The following LHX8 variants were observed in gnomAD, a reference collection of about 807,000 sequenced individuals.
The protein encoded by LHX8 is LIM/homeobox protein Lhx8.
Under a neutral mutation model 40.3 loss-of-function variants are expected in LHX8, and 12 were observed. The ratio of observed to expected loss-of-function variants is 0.30; its 90% confidence interval spans 0.19 to 0.48. The LOEUF is 0.48. Among genes scored for constraint, LHX8 ranks in the 20% least tolerant of loss-of-function variants. The pLI is 0.99. For synonymous variants in LHX8, 179 were observed against 162.0 expected (o/e 1.10, Z -0.80); for missense variants, 344 against 433.7 (o/e 0.79, Z 1.84).
At chr1:75,195,273 A>G in the LHX8 span, among the ~76,000 whole-genome samples, 3 of 152,156 alleles carry the variant, frequency 2.0e-5, no homozygotes, top group African/African-American at 4.8e-5. Flanking sequence ...TGAAAGGTGA[A>G]GTAACTTTCC....
the LHX8 span, among the ~76,000 whole-genome samples, chr1:75,167,043 G>C: frequency 6.6e-6 from 1 of 152,200 alleles, no homozygotes; most frequent in Non-Finnish European, 1.5e-5. Flanking sequence ...GCCTGCTTGT[G>C]TTCTAATCTG....
intron 8 of LHX8, 141 bp from the exon 9 acceptor site, chr1:75,160,678 G>A (rs527550803): frequency 5.9e-5 from 42 of 710,246 alleles, no homozygotes; most frequent in Non-Finnish European, 1.1e-4. Context: ...TGCTTCTGCT[G>A]AGGTCAGTGG....
intron 2 of LHX8, 33 bp downstream of exon 2, chr1:75,136,722 C>G (rs1013217426): frequency 9.3e-6 from 14 of 1,512,760 alleles, no homozygotes; most frequent in Middle Eastern, 2.1e-4. Flanking sequence ...GCTGGCAAGA[C>G]TGGCCGTGGG....
At chr1:75,176,586 C>T in the LHX8 span, among the ~76,000 whole-genome samples, 153 of 152,008 alleles carry the variant, frequency 1.0e-3, 1 homozygote, top group East Asian at 4.1e-3. Flanking sequence ...CTTTGTCAGA[C>T]GGGTAGATTG....
At chr1:75,145,825 A>C (rs3925749) in intron 6 of LHX8, among the ~76,000 whole-genome samples, 1 of 152,164 alleles carries the variant, frequency 6.6e-6, no homozygotes, top group South Asian at 2.1e-4. Context: ...TTTAAGCCTT[A>C]CATTATGGTA....
the LHX8 span, among the ~76,000 whole-genome samples, chr1:75,173,263 GT>G: frequency 6.6e-6 from 1 of 150,520 alleles, no homozygotes; most frequent in Non-Finnish European, 1.5e-5. Flanking sequence ...CCACAAGTTA[GT>G]TATTACCATC....
intron 8 of LHX8, among the ~76,000 whole-genome samples, chr1:75,157,356 G>A (rs1445078584): frequency 6.6e-6 from 1 of 151,992 alleles, no homozygotes; most frequent in Non-Finnish European, 1.5e-5. Context: ...TGTTTTTACC[G>A]GTAAATATTT....
chr1:75,146,114 A>G (rs528517267), intron 6 of LHX8, among the ~76,000 whole-genome samples: 11 of 152,294 alleles, frequency 7.2e-5, no homozygotes, highest in African/African-American at 2.6e-4. Context: ...CAGACACTCT[A>G]ATAAATCGGT....
At chr1:75,141,971 A>G (rs911629148) in intron 4 of LHX8, among the ~76,000 whole-genome samples, 11 of 152,148 alleles carry the variant, frequency 7.2e-5, no homozygotes, top group Non-Finnish European at 1.6e-4. Context: ...GGTAACTTAA[A>G]GTAATTTATG....
chr1:75,160,628 T>C, intron 8 of LHX8, 191 bp from the exon 9 acceptor site: 1 of 597,500 alleles, frequency 1.7e-6, no homozygotes, highest in Non-Finnish European at 3.0e-6. Context: ...GATTTGGGGG[T>C]AAAACTGTTC....
At chr1:75,141,472 A>G (rs945037219) in intron 4 of LHX8, among the ~76,000 whole-genome samples, 1 of 152,128 alleles carries the variant, frequency 6.6e-6, no homozygotes, top group Non-Finnish European at 1.5e-5. Context: ...TAAAATCATT[A>G]TGGGGGAGAA....
the LHX8 span, among the ~76,000 whole-genome samples, chr1:75,186,265 A>G: frequency 2.0e-5 from 3 of 152,210 alleles, no homozygotes; most frequent in Non-Finnish European, 4.4e-5. Flanking sequence ...GCAAAGCTGG[A>G]GATATCACAT....
rs558167920 is a variant in LHX8 at position 75,143,331 on chromosome 1, A to G, written c.573A>G (p.Val191=). 2.7e-5 allele frequency: 44 copies of G among 1,607,176 alleles called. No individual in the cohort carries two copies. The highest frequency in any genetic ancestry group is 3.6e-5 in the Non-Finnish European group (42 of 1,174,514). The part of the protein sequence containing the change: ...DCMLDNLKRE[V]ENGNGISVEG... ...TGCTGGATAATTTAAAAAGAGAAGTAGAAAATGGTAAATATGTACTTAAAT... is the reference window on the plus strand; with the variant it reads ...TGCTGGATAATTTAAAAAGAGAAGTGGAAAATGGTAAATATGTACTTAAAT... Residue 191 remains valine, a synonymous_variant, in exon 5 of 9, where the codon GTA becomes GTG. Coordinates refer to ENST00000356261, the MANE Select transcript of LHX8 (RefSeq NM_001256114.2).
Position 75,151,035 on chromosome 1 carries a change from C to T in LHX8, c.780+2353C>T, listed in dbSNP as rs1305947320. The stretch of plus-strand genomic sequence containing the variant: ...AATTTAAGGAGTGAAAGCAAGTAAC[C>T]ATAAAAGGCAAGAGGAAACTCAGGG... On this transcript the variant is annotated intron_variant, in intron 7 of 8. Transcript: ENST00000356261. Among the ~76,000 whole-genome samples, 5 of 152,146 alleles carry T rather than the reference C, an allele frequency of 3.3e-5. No homozygotes were observed. The East Asian group carries it at 9.7e-4, about 29-fold the overall frequency.
intron 3 of LHX8, 55 bp downstream of exon 3, chr1:75,137,316 T>C: frequency 6.4e-7 from 1 of 1,553,716 alleles, no homozygotes; most frequent in Non-Finnish European, 8.9e-7. Flanking sequence ...GCGTGGGAGC[T>C]CTGGGAAAAG....
intron 3 of LHX8, among the ~76,000 whole-genome samples, chr1:75,140,668 T>C (rs1648288060): frequency 6.6e-6 from 1 of 152,154 alleles, no homozygotes; most frequent in Non-Finnish European, 1.5e-5. Flanking sequence ...GTAACCAAAC[T>C]ATTCCCTGTG....
At chr1:75,186,382 GGCT>G in the LHX8 span, among the ~76,000 whole-genome samples, 2 of 151,962 alleles carry the variant, frequency 1.3e-5, no homozygotes, top group African/African-American at 4.8e-5. Context: ...CCAGAAATAA[GGCT>G]GCACACCTAC....
the LHX8 span, among the ~76,000 whole-genome samples, chr1:75,182,598 C>A: frequency 1.3e-5 from 2 of 152,160 alleles, no homozygotes; most frequent in South Asian, 4.1e-4. Context: ...GGCTCAAACT[C>A]CCAACCTCAG....
the LHX8 span, among the ~76,000 whole-genome samples, chr1:75,168,314 C>G: frequency 6.6e-6 from 1 of 152,008 alleles, no homozygotes; most frequent in Non-Finnish European, 1.5e-5. Flanking sequence ...CCTCTGCCTC[C>G]TGGGTTCAAA....
Sources: gnomAD v4.1 joint callset for allele counts (sites outside exome capture counted in the v4.1 genomes callset) on GRCh38, gnomAD v4.1.1 for gene constraint, MANE v1.5 for transcripts, NCBI Gene and HGNC (gene_info 2026-07-23, HGNC 2026-07-21) for gene names.